Variants in SLC12A7 observed in about 807,000 individuals in gnomAD.
SLC12A7 encodes the protein K-Cl cotransporter 4.
A neutral mutation model predicts 120.6 loss-of-function variants in SLC12A7; 100 were observed. The ratio of observed to expected loss-of-function variants is 0.83; its 90% confidence interval spans 0.71 to 0.98. The LOEUF (loss-of-function observed/expected upper bound fraction) is 0.98, where lower values mean the gene tolerates loss of function less well. Ranked by LOEUF, SLC12A7 falls within the 50% of genes least tolerant of loss-of-function variation. The pLI is 0.00. For missense variants in SLC12A7, 1,373 were observed against 1,548.1 expected, an observed-to-expected ratio of 0.89 and a Z score of 1.90; for synonymous variants, 760 against 678.0, an observed-to-expected ratio of 1.12 and a Z score of -1.88.
At chr5:1,059,171 G>A (rs1379562037) in intron 21 of SLC12A7, among the ~76,000 whole-genome samples, 1 of 152,254 alleles carries the variant, frequency 6.6e-6, no homozygotes, top group Non-Finnish European at 1.5e-5. Context: ...CCGGACCCCC[G>A]TGGAAGGGGT....
rs1484216767 is a variant in SLC12A7 at position 1,083,713 on chromosome 5, C to T, written c.1129+32G>A. 14 of 1,606,418 alleles carry T rather than the reference C, an allele frequency of 8.7e-6. 1 individual carries two copies. The highest frequency in any genetic ancestry group is 1.2e-5 in the Non-Finnish European group (14 of 1,176,890). ...CCAGCGCCTGCTGCCCCCGCCACCC[C>T]CCAGCTCCAGCTGCAGCCCTGTGAG... On this transcript the variant is annotated intron_variant, in intron 8 of 23. Coordinates refer to ENST00000264930, the MANE Select transcript of SLC12A7 (RefSeq NM_006598.3).
In SLC12A7 at chr5:1,052,086, T is replaced by A. The variant is rs1045034263; in HGVS notation, c.*274A>T. 8.0e-6 allele frequency: 4 copies of A among 498,186 alleles called. No individual in the cohort carries two copies. Among genetic ancestry groups the A allele is most frequent in the African/African-American group, 5.9e-5 (3 of 51,198 alleles). 30.9% of individuals were successfully genotyped at this position (498,186 alleles called of 1,614,324 possible). On this transcript the variant is annotated 3_prime_UTR_variant, in exon 24 of 24. Transcript: ENST00000264930. ...TGGCTTCTTGTGACCTGCGAGAAGA[T>A]CTGGCCACGTCCAGGTCACTCCGGT...
In SLC12A7 at chr5:1,109,100, G is replaced by A. The variant is rs183051184; in HGVS notation, c.124+2768C>T. ...TCTCCCAGCCCAGGGAGCCCCAGACGAGTGGAAGTCCCTCCTAGACAGTGG... is the reference window on the plus strand; with the variant it reads ...TCTCCCAGCCCAGGGAGCCCCAGACAAGTGGAAGTCCCTCCTAGACAGTGG... On this transcript the variant is annotated intron_variant, in intron 1 of 23. Coordinates refer to ENST00000264930, the MANE Select transcript of SLC12A7 (RefSeq NM_006598.3). Among the ~76,000 whole-genome samples, 538 of 152,306 alleles carry A rather than the reference G, an allele frequency of 3.5e-3. 3 individuals carry two copies. Among genetic ancestry groups the A allele is most frequent in the South Asian group, 0.014 (69 of 4,830 alleles).
At chr5:1,053,672 C>T (rs982530351) in intron 22 of SLC12A7, among the ~76,000 whole-genome samples, 190 bp from the exon 23 acceptor site, 1 of 152,220 alleles carries the variant, frequency 6.6e-6, no homozygotes, top group African/African-American at 2.4e-5. Context: ...TGACTGCAGC[C>T]AGGGCGGGCG....
At position 1,053,412 on chromosome 5, in the gene SLC12A7, C is replaced by T. The variant is rs761917706; in HGVS notation, c.3097G>A (p.Asp1033Asn). The change falls in exon 23 of 24, where the codon GAT (aspartate) becomes AAT (asparagine). Residue 1033 changes from aspartate to asparagine, a missense_variant. Asp to Asn is a conservative substitution (Grantham distance 23, BLOSUM62 1). Coordinates refer to ENST00000264930, the MANE Select transcript of SLC12A7 (RefSeq NM_006598.3). ...LNGVVLNKSQDAQLVLLNMPG... is the reference protein window; with the variant it reads ...LNGVVLNKSQNAQLVLLNMPG... ...ATGTTGAGCAGGACCAGCTGCGCAT[C>T]CTGGGACTTGTTGAGGACGACGCCA... 2.0e-5 allele frequency: 33 copies of T among 1,614,012 alleles called. No homozygotes were observed. The highest frequency in any genetic ancestry group is 2.5e-5 in the Non-Finnish European group (30 of 1,180,022).
In SLC12A7 at chr5:1,076,168, T is replaced by C. The variant is rs1738310026; in HGVS notation, c.1817A>G (p.Asn606Ser). Residue 606 changes from asparagine (N) to serine (S), a missense_variant, in exon 14 of 24, where the codon AAC becomes AGC. By Grantham distance (46) the Asn-to-Ser change is conservative. Coordinates refer to ENST00000264930, the MANE Select transcript of SLC12A7 (RefSeq NM_006598.3). ...GTAGAACTTGAAGCGTGGACGCCAG[T>C]TGGGGGTACGTAGCAGGGTCTGCAC... ...CAVQTLLRTP[N>S]WRPRFKFYHW... 3 of 1,612,256 alleles carry C rather than the reference T, an allele frequency of 1.9e-6. No individual in the cohort carries two copies. The highest frequency in any genetic ancestry group is 2.5e-6 in the Non-Finnish European group (3 of 1,179,574).
chr5:1,133,117 T>C, the SLC12A7 span, among the ~76,000 whole-genome samples: 4 of 152,196 alleles, frequency 2.6e-5, no homozygotes, highest in Non-Finnish European at 5.9e-5. Context: ...AGTTTCACCA[T>C]GTTGGCCAGG....
At chr5:1,073,529 G>T in intron 17 of SLC12A7, 104 bp downstream of exon 17, 1 of 1,276,608 alleles carries the variant, frequency 7.8e-7, no homozygotes, top group East Asian at 2.6e-5. Flanking sequence ...GCAGCGCCAC[G>T]CACAGCACCG....
intron 20 of SLC12A7, among the ~76,000 whole-genome samples, chr5:1,061,535 G>A (rs1401574883): frequency 7.0e-6 from 1 of 142,780 alleles, no homozygotes; most frequent in African/African-American, 2.6e-5. Flanking sequence ...TGCCGCATCC[G>A]CCATGCGGGA....
intron 7 of SLC12A7, among the ~76,000 whole-genome samples, chr5:1,084,532 G>A (rs956565649): frequency 2.6e-5 from 4 of 152,212 alleles, no homozygotes; most frequent in East Asian, 1.9e-4. Context: ...AGGCCTGTAC[G>A]TGGAAAACAG....
In SLC12A7 at chr5:1,058,585, G is replaced by A. The variant is rs1436118928; in HGVS notation, c.2848-936C>T. ...CCAAAGGTCCAGAGTGATTTCACTG[G>A]ACCAGGTTCTTCTTCCCTGGATAAA... is the stretch of plus-strand genomic sequence containing the variant. On this transcript the variant is annotated intron_variant, in intron 21 of 23. Coordinates refer to ENST00000264930, the MANE Select transcript of SLC12A7 (RefSeq NM_006598.3). Among the ~76,000 whole-genome samples, 8 of 152,244 alleles carry A rather than the reference G, an allele frequency of 5.3e-5. No homozygotes were observed. The East Asian group carries it at 1.3e-3, about 26-fold the overall frequency.
chr5:1,095,039 C>CGGTAGGAGGCGCGGG (rs1579415550), intron 1 of SLC12A7, among the ~76,000 whole-genome samples: 1 of 112,094 alleles, frequency 8.9e-6, no homozygotes. Flanking sequence ...AGGCGGGGGG[C>CGGTAGGAGGCGCGGG]CGGTAGGAGG....
Position 1,053,360 on chromosome 5 carries a change from C to A in SLC12A7, c.3149G>T (p.Gly1050Val). The change falls in exon 23 of 24, where the codon GGA becomes GTA. Residue 1050 changes from glycine (G) to valine (V), a missense_variant. Gly to Val is a moderately radical substitution (Grantham distance 109). Coordinates refer to ENST00000264930, the MANE Select transcript of SLC12A7 (RefSeq NM_006598.3). ...NMPGPPKNRQ[G>V]DENYMEFLEV... The stretch of plus-strand genomic sequence containing the variant: ...GCAAGAAAGGATACAGTTCTCGTCT[C>A]CCTGCCGGTTTTTGGGAGGACCTGG... 1 of 1,613,886 alleles carries A rather than the reference C, an allele frequency of 6.2e-7. No homozygotes were observed. The highest frequency in any genetic ancestry group is 8.5e-7 in the Non-Finnish European group (1 of 1,179,972).
chr5:1,057,784 C>G (rs1328909549), intron 21 of SLC12A7, 135 bp from the exon 22 acceptor site: 13 of 806,946 alleles, frequency 1.6e-5, no homozygotes, highest in Non-Finnish European at 2.5e-5. Context: ...CGGGACCCAG[C>G]CTGGCGTCCC....
At chr5:1,149,133 C>A in the SLC12A7 span, among the ~76,000 whole-genome samples, 3 of 57,228 alleles carry the variant, frequency 5.2e-5, no homozygotes, top group Non-Finnish European at 1.7e-4. Flanking sequence ...CCTACGATGC[C>A]GCACCCAGAA....
intron 1 of SLC12A7, among the ~76,000 whole-genome samples, chr5:1,108,889 G>A (rs573720887): frequency 3.3e-5 from 5 of 152,324 alleles, no homozygotes; most frequent in African/African-American, 1.2e-4. Flanking sequence ...GCCTCTGTCA[G>A]CGGCCAGGGG....
chr5:1,060,648 G>A lies in SLC12A7; in HGVS notation c.2740-197C>T, dbSNP rs534887885. ...GTGTGAGCGCACGATGGGCAGTCAC[G>A]CCGCACACACGCTCTGCTCATGTCC... On this transcript the variant is annotated intron_variant, in intron 20 of 23. Transcript: ENST00000264930. Among the ~76,000 whole-genome samples, 40 of 152,306 alleles carry A rather than the reference G, an allele frequency of 2.6e-4. No homozygotes were observed. In the Middle Eastern group the frequency reaches 0.01, roughly 39 times the overall value.
At chr5:1,142,144 G>A in the SLC12A7 span, among the ~76,000 whole-genome samples, 1 of 151,728 alleles carries the variant, frequency 6.6e-6, no homozygotes, top group African/African-American at 2.4e-5. Flanking sequence ...ACCCCTGGCA[G>A]CATCTCTGGG....
At chr5:1,075,543 C>T (rs1189563889) in intron 14 of SLC12A7, 53 bp from the exon 15 acceptor site, 16 of 1,573,582 alleles carry the variant, frequency 1.0e-5, no homozygotes, top group Non-Finnish European at 1.4e-5. Context: ...AGCCCCCACA[C>T]CTCAGCCACC....
Sources: allele counts gnomAD v4.1 joint callset (sites outside exome capture counted in the v4.1 genomes callset), GRCh38; gene constraint gnomAD v4.1.1; transcripts MANE v1.5; gene names NCBI Gene and HGNC (gene_info 2026-07-23, HGNC 2026-07-21).